Variants in MAN1C1 observed in about 807,000 individuals in gnomAD.
MAN1C1 encodes the protein mannosidase alpha class 1C member 1, also known as mannosyl-oligosaccharide 1,2-alpha-mannosidase IC.
Under a neutral mutation model 71.5 loss-of-function variants are expected in MAN1C1, and 49 were observed. That is an observed-to-expected ratio of 0.69 (90% CI 0.54 to 0.87). The LOEUF (loss-of-function observed/expected upper bound fraction) is 0.87, where lower values mean the gene tolerates loss of function less well. Among genes scored for constraint, MAN1C1 ranks in the 40% least tolerant of loss-of-function variants. The probability of loss-of-function intolerance (pLI) is 0.00; values close to 1 mark genes in which losing one functional copy is unlikely to be tolerated. For missense variants in MAN1C1, 743 were observed against 835.0 expected, an observed-to-expected ratio of 0.89 and a Z score of 1.36; for synonymous variants, 352 against 343.7, an observed-to-expected ratio of 1.02 and a Z score of -0.27.
chr1:25,716,137 G>C (rs2046676681), intron 2 of MAN1C1, among the ~76,000 whole-genome samples: 1 of 152,178 alleles, frequency 6.6e-6, no homozygotes, highest in Non-Finnish European at 1.5e-5. Context: ...CCAGAACTCA[G>C]TCATATGCCT....
chr1:25,659,670 G>T (rs945116852), intron 1 of MAN1C1, among the ~76,000 whole-genome samples: 10 of 152,256 alleles, frequency 6.6e-5, no homozygotes, highest in African/African-American at 2.4e-4. Flanking sequence ...CTCCAGCTTT[G>T]CCAGTGCCCA....
chr1:25,664,150 G>A (rs575320725), intron 1 of MAN1C1, among the ~76,000 whole-genome samples: 2 of 152,208 alleles, frequency 1.3e-5, no homozygotes, highest in East Asian at 3.9e-4. Flanking sequence ...CCCTCCACAC[G>A]CTCTGTGGTC....
intron 6 of MAN1C1, chr1:25,761,620 C>A (rs79648567): frequency 1.0e-5 from 1 of 95,814 alleles, no homozygotes. Context: ...ACCTCTACTT[C>A]TTTTTTTTTT....
In MAN1C1 at chr1:25,617,810, A is replaced by G. The variant is rs1258874795; in HGVS notation, c.13A>G (p.Lys5Glu). The change falls in exon 1 of 12, where the codon AAA becomes GAA. Residue 5 changes from lysine to glutamate, a missense_variant. Coordinates refer to ENST00000374332, the MANE Select transcript of MAN1C1 (RefSeq NM_020379.4). The surrounding 1 kb of genome is among the most constrained non-coding windows in gnomAD (Gnocchi z 5.1). The part of the protein sequence containing the change: MLMR[K>E]VPGFVPASPW... ...CGGCCGGGCCACGATGCTCATGAGG[A>G]AAGTGCCCGGCTTCGTCCCGGCCTC... The G allele has an allele frequency of 8.1e-6, 13 of 1,600,130 alleles. No individual in the cohort carries two copies. Among genetic ancestry groups the G allele is most frequent in the Non-Finnish European group, 1.0e-5 (12 of 1,175,022 alleles).
At chr1:25,675,647 A>G (rs527936601) in intron 1 of MAN1C1, among the ~76,000 whole-genome samples, 4 of 146,930 alleles carry the variant, frequency 2.7e-5, no homozygotes, top group Non-Finnish European at 4.5e-5. Flanking sequence ...TTCTACTTTT[A>G]GTTCTTTAAG....
intron 2 of MAN1C1, among the ~76,000 whole-genome samples, chr1:25,702,281 G>A (rs187423286): frequency 4.6e-5 from 7 of 152,246 alleles, no homozygotes; most frequent in African/African-American, 9.6e-5. Context: ...GGCCCACATC[G>A]CCCCTGGCAG....
chr1:25,750,019 G>A (rs747193686), intron 4 of MAN1C1, among the ~76,000 whole-genome samples: 6 of 152,220 alleles, frequency 3.9e-5, no homozygotes, highest in Admixed American at 1.3e-4. Context: ...CAGGAAGGCA[G>A]AGCTGGTGCG....
At chr1:25,766,523 CGAA>C (rs956386223) in intron 7 of MAN1C1, among the ~76,000 whole-genome samples, 10 of 152,134 alleles carry the variant, frequency 6.6e-5, no homozygotes, top group African/African-American at 2.4e-4. Flanking sequence ...CCTAGAGAAA[CGAA>C]GGAGGAGTTA....
chr1:25,783,977 GGGCCAT>G lies in MAN1C1; in HGVS notation c.*194_*199del. 1.4e-6 allele frequency: 1 copy of G among 712,224 alleles called. No individual in the cohort carries two copies. Among genetic ancestry groups the G allele is most frequent in the South Asian group, 2.0e-5 (1 of 51,224 alleles). 44.1% of individuals were successfully genotyped at this position (712,224 alleles called of 1,614,324 possible). On this transcript the variant is annotated 3_prime_UTR_variant, in exon 12 of 12. Transcript: ENST00000374332. ...TTGGAGACTCAGCGATGTCAGGCCAGGGCCATGGCCACACTGGCCCACACATTCCTT... is the reference window on the plus strand; with the variant it reads ...TTGGAGACTCAGCGATGTCAGGCCAGGGCCACACTGGCCCACACATTCCTT...
At chr1:25,767,071 T>C (rs2124384427) in intron 7 of MAN1C1, among the ~76,000 whole-genome samples, 1 of 151,986 alleles carries the variant, frequency 6.6e-6, no homozygotes, top group South Asian at 2.1e-4. Flanking sequence ...CACCCTGAGC[T>C]AATGCAGAAC....
chr1:25,622,852 CAT>C (rs1224179404), intron 1 of MAN1C1, among the ~76,000 whole-genome samples: 2 of 152,150 alleles, frequency 1.3e-5, no homozygotes, highest in African/African-American at 4.8e-5. Flanking sequence ...GTTCGTTAGT[CAT>C]GTGTGATTTT....
chr1:25,632,205 G>T (rs930820253), intron 1 of MAN1C1, among the ~76,000 whole-genome samples: 1 of 152,122 alleles, frequency 6.6e-6, no homozygotes, highest in African/African-American at 2.4e-5. Context: ...TCTGTTAAGG[G>T]TTTCTGTTTC....
chr1:25,724,155 A>G (rs2046803757), intron 2 of MAN1C1, among the ~76,000 whole-genome samples: 1 of 151,800 alleles, frequency 6.6e-6, no homozygotes, highest in Non-Finnish European at 1.5e-5. Context: ...CAGCCTCCAG[A>G]GTAGCTGAGA....
chr1:25,720,785 A>G (rs945429416), intron 2 of MAN1C1, among the ~76,000 whole-genome samples: 12 of 152,164 alleles, frequency 7.9e-5, no homozygotes, highest in African/African-American at 2.9e-4. Flanking sequence ...GTTTTCTTCT[A>G]GAAGTGTTAT....
chr1:25,768,084 C>G lies in MAN1C1; in HGVS notation c.1142-3573C>G, dbSNP rs577772715. 1.4e-4 allele frequency among the ~76,000 whole-genome samples: 7 copies of G among 49,826 alleles called. 2 individuals carry two copies. Among genetic ancestry groups the G allele is most frequent in the Admixed American group, 8.0e-4 (3 of 3,742 alleles). 32.7% of individuals were successfully genotyped at this position (49,826 alleles called of 152,430 possible). On this transcript the variant is annotated intron_variant, in intron 7 of 11. Transcript: ENST00000374332. ...TCACACACACACACACTCCCCCCCA[C>G]ACACAGACCCACACACCCCTCACAT...
rs531075944 is a variant in MAN1C1, at chr1:25,749,441, G to A, written c.834+106G>A. On this transcript the variant is annotated intron_variant, in intron 4 of 11. Transcript: ENST00000374332. ...ATCCATGGGAAAAGGGACTTAAGGG[G>A]GCAGGGATGGGCCTGGGGCCACCCA... The A allele has an allele frequency of 3.5e-4, 346 of 996,296 alleles. 10 individuals are homozygous for A. The South Asian group carries it at 5.8e-3, about 17-fold the overall frequency. 61.7% of individuals were successfully genotyped at this position (996,296 alleles called of 1,614,324 possible).
intron 5 of MAN1C1, among the ~76,000 whole-genome samples, chr1:25,756,763 A>G (rs1442879750): frequency 6.6e-6 from 1 of 152,150 alleles, no homozygotes; most frequent in East Asian, 1.9e-4. Context: ...ACTTCCCTGT[A>G]TGAGCCTCAG....
In MAN1C1 at chr1:25,764,052, G is replaced by A; in HGVS notation, c.1141+85G>A. 9.0e-7 allele frequency: 1 copy of A among 1,109,410 alleles called. No homozygotes were observed. Among genetic ancestry groups the A allele is most frequent in the Non-Finnish European group, 1.4e-6 (1 of 732,742 alleles). 68.7% of individuals were successfully genotyped at this position (1,109,410 alleles called of 1,614,324 possible). On this transcript the variant is annotated intron_variant, in intron 7 of 11. Coordinates refer to ENST00000374332, the MANE Select transcript of MAN1C1 (RefSeq NM_020379.4). The surrounding 1 kb of genome is among the most constrained non-coding windows in gnomAD (Gnocchi z 4.4). Reference sequence around the variant, plus strand: ...AGACCCTGCCAGGCCCCTGGGCTGAGTGAGGATGTGTCTGTCAGAGCCATG... The same window carrying A: ...AGACCCTGCCAGGCCCCTGGGCTGAATGAGGATGTGTCTGTCAGAGCCATG...
chr1:25,734,899 T>C (rs1218786065), intron 2 of MAN1C1, among the ~76,000 whole-genome samples: 2 of 152,278 alleles, frequency 1.3e-5, no homozygotes, highest in East Asian at 3.9e-4. Context: ...GAGAAAAACC[T>C]CAGATCCACG....
Sources: allele counts gnomAD v4.1 joint callset (sites outside exome capture counted in the v4.1 genomes callset), GRCh38; gene constraint gnomAD v4.1.1; non-coding constraint Gnocchi (gnomAD v3.1); transcripts MANE v1.5; gene names NCBI Gene and HGNC (gene_info 2026-07-23, HGNC 2026-07-21).